SLC44A5: variants seen among roughly 807,000 people sequenced by gnomAD.
SLC44A5 encodes the protein choline transporter-like protein 5.
Under a neutral mutation model 101.8 loss-of-function variants are expected in SLC44A5, and 57 were observed. The ratio of observed to expected loss-of-function variants is 0.56; its 90% CI spans 0.45 to 0.70. SLC44A5 has a LOEUF of 0.70. Among genes scored for constraint, SLC44A5 ranks in the 30% least tolerant of loss-of-function variants. SLC44A5 has a pLI of 0.00. For synonymous variants in SLC44A5, 281 were observed against 290.9 expected (o/e 0.97, Z 0.35); for missense variants, 737 against 853.1 (o/e 0.86, Z 1.70).
chr1:75,683,707 G>A, the SLC44A5 span, among the ~76,000 whole-genome samples: 2 of 151,958 alleles, frequency 1.3e-5, no homozygotes, highest in African/African-American at 2.4e-5. Context: ...GTATACGTAT[G>A]TAACTAACCT....
intron 2 of SLC44A5, among the ~76,000 whole-genome samples, chr1:75,539,316 C>T (rs549805279): frequency 1.2e-4 from 18 of 152,232 alleles, no homozygotes; most frequent in African/African-American, 4.3e-4. Context: ...CACTTGTCAA[C>T]TCTGTATAAG....
At chr1:75,217,422 A>C (rs918976711) in intron 18 of SLC44A5, among the ~76,000 whole-genome samples, 1 of 152,060 alleles carries the variant, frequency 6.6e-6, no homozygotes, top group African/African-American at 2.4e-5. Context: ...TTTAAGGTAC[A>C]TTCCAAGCAA....
intron 2 of SLC44A5, among the ~76,000 whole-genome samples, chr1:75,492,916 A>C (rs1266997352): frequency 6.6e-6 from 1 of 152,226 alleles, no homozygotes; most frequent in Non-Finnish European, 1.5e-5. Context: ...GCAAATGTCC[A>C]AAGTTGGAAC....
At chr1:75,282,058 G>C (rs1394924371) in intron 5 of SLC44A5, among the ~76,000 whole-genome samples, 5 of 152,198 alleles carry the variant, frequency 3.3e-5, no homozygotes, top group Non-Finnish European at 7.3e-5. Flanking sequence ...AACTGGAAAA[G>C]CCACAGACAC....
At chr1:75,645,566 A>G in the SLC44A5 span, among the ~76,000 whole-genome samples, 52,526 of 150,278 alleles carry the variant, frequency 0.35, 10,936 homozygotes, top group East Asian at 0.93. Context: ...ATTTTCTCCC[A>G]TTCTGTAGGT....
intron 4 of SLC44A5, among the ~76,000 whole-genome samples, chr1:75,330,479 G>A (rs909418997): frequency 6.6e-6 from 1 of 152,006 alleles, no homozygotes; most frequent in South Asian, 2.1e-4. Flanking sequence ...TTACTATCTT[G>A]CAACTATGGT....
chr1:75,392,395 GA>G (rs1199617334), intron 3 of SLC44A5, among the ~76,000 whole-genome samples: 1 of 151,904 alleles, frequency 6.6e-6, no homozygotes. Context: ...AGAAACAAAC[GA>G]AAAAAATGCT....
chr1:75,319,332 A>T (rs568121244), intron 4 of SLC44A5, among the ~76,000 whole-genome samples: 1 of 152,156 alleles, frequency 6.6e-6, no homozygotes, highest in South Asian at 2.1e-4. Flanking sequence ...TGGTAGAAAA[A>T]TTTATAAACA....
chr1:75,647,198 G>A, the SLC44A5 span, among the ~76,000 whole-genome samples: 1 of 152,192 alleles, frequency 6.6e-6, no homozygotes, highest in East Asian at 1.9e-4. Context: ...CCAACATATA[G>A]CCCAGGCCAT....
chr1:75,275,072 A>G (rs1271796536), intron 5 of SLC44A5, 30 bp from the exon 6 acceptor site: 1 of 1,585,288 alleles, frequency 6.3e-7, no homozygotes. Flanking sequence ...CAAATATGCT[A>G]TCAGCAAAAG....
chr1:75,609,010 T>G (rs1162553811), intron 1 of SLC44A5, among the ~76,000 whole-genome samples: 1 of 152,040 alleles, frequency 6.6e-6, no homozygotes, highest in Non-Finnish European at 1.5e-5. Context: ...GAATTCATTT[T>G]GTTCCCTGAT....
chr1:75,654,852 C>T, the SLC44A5 span, among the ~76,000 whole-genome samples: 19 of 152,210 alleles, frequency 1.2e-4, no homozygotes, highest in Non-Finnish European at 2.2e-4. Flanking sequence ...TTGCAATACT[C>T]GTTTCTTTCT....
chr1:75,481,252 T>C (rs1667826358), intron 2 of SLC44A5, among the ~76,000 whole-genome samples: 1 of 152,136 alleles, frequency 6.6e-6, no homozygotes, highest in Non-Finnish European at 1.5e-5. Flanking sequence ...CAAAAATTAA[T>C]TCAAGATGGA....
chr1:75,505,150 T>C (rs543209918), intron 2 of SLC44A5, among the ~76,000 whole-genome samples: 1 of 152,330 alleles, frequency 6.6e-6, no homozygotes, highest in Non-Finnish European at 1.5e-5. Context: ...TGCACCCATG[T>C]TGCTGCAAAG....
intron 5 of SLC44A5, among the ~76,000 whole-genome samples, chr1:75,281,538 GA>G (rs1652553929): frequency 6.7e-6 from 1 of 149,458 alleles, no homozygotes; most frequent in Non-Finnish European, 1.5e-5. Context: ...AGATAAAGGG[GA>G]AAATGTCTCC....
intron 1 of SLC44A5, among the ~76,000 whole-genome samples, chr1:75,587,561 G>A (rs773179139): frequency 3.3e-5 from 5 of 152,152 alleles, no homozygotes; most frequent in Non-Finnish European, 7.3e-5. Context: ...GATCACCTGT[G>A]TCAAGAGATA....
chr1:75,223,846 C>T lies in SLC44A5; in HGVS notation c.986-1386G>A, dbSNP rs998112251. On this transcript the variant is annotated intron_variant, in intron 13 of 23. Coordinates refer to ENST00000370859, the MANE Select transcript of SLC44A5 (RefSeq NM_001130058.2). ...TATGTTTTCATGTACATTTTATTCT[C>T]TTAAAACACCAATTTGAACCCAAAA... Among the ~76,000 whole-genome samples, 2 of 152,118 alleles carry T rather than the reference C, an allele frequency of 1.3e-5. 1 individual carries two copies. Among genetic ancestry groups the T allele is most frequent in the Non-Finnish European group, 2.9e-5 (2 of 68,008 alleles).
chr1:75,491,722 C>T lies in SLC44A5; in HGVS notation c.13+49713G>A, dbSNP rs561076490. On this transcript the variant is annotated intron_variant, in intron 2 of 23. Transcript: ENST00000370859. ...TTGTGCATACATACACACACAAGCA[C>T]GCACGCACGCACACACACACACACA... Among the ~76,000 whole-genome samples the T allele has an allele frequency of 5.5e-5, 8 of 146,524 alleles. No homozygotes were observed. In the East Asian group the frequency reaches 1.2e-3, roughly 21 times the overall value.
chr1:75,415,498 G>C (rs1663582381), intron 2 of SLC44A5, among the ~76,000 whole-genome samples: 1 of 152,202 alleles, frequency 6.6e-6, no homozygotes, highest in Non-Finnish European at 1.5e-5. Flanking sequence ...TTTATCACAA[G>C]TGTGAAAACA....
Sources: allele counts gnomAD v4.1 joint callset (sites outside exome capture counted in the v4.1 genomes callset), GRCh38; gene constraint gnomAD v4.1.1; transcripts MANE v1.5; gene names NCBI Gene and HGNC (gene_info 2026-07-23, HGNC 2026-07-21).